The following XPO7 variants were observed in gnomAD, a reference collection of about 807,000 sequenced individuals.
XPO7 encodes exportin 7, also known as exportin-7.
XPO7 carries 21 observed loss-of-function variants against 144.3 expected under a neutral mutation model. That is an observed-to-expected ratio of 0.15 (90% CI 0.10 to 0.21). The LOEUF is 0.21. Ranked by LOEUF, XPO7 falls within the 10% of genes least tolerant of loss-of-function variation. The pLI is 1.00. For synonymous variants in XPO7, 580 were observed against 499.6 expected (o/e 1.16, Z -2.15); for missense variants, 808 against 1,325.8 (o/e 0.61, Z 6.06).
At chr8:22,000,019 T>A (rs1215014438) in intron 24 of XPO7, among the ~76,000 whole-genome samples, 2 of 152,128 alleles carry the variant, frequency 1.3e-5, no homozygotes, top group Non-Finnish European at 2.9e-5. Flanking sequence ...GAGTACAAAG[T>A]GCTACACAAG....
chr8:21,929,620 C>G (rs1314884767), intron 1 of XPO7, among the ~76,000 whole-genome samples: 1 of 152,222 alleles, frequency 6.6e-6, no homozygotes, highest in Non-Finnish European at 1.5e-5. Flanking sequence ...AGTCCTGATT[C>G]ACTAGCAATC....
At chr8:21,944,246 C>G (rs1811085084) in intron 1 of XPO7, among the ~76,000 whole-genome samples, 1 of 152,230 alleles carries the variant, frequency 6.6e-6, no homozygotes, top group South Asian at 2.1e-4. Flanking sequence ...TTGAATACCT[C>G]CCATGAGTTA....
At chr8:21,947,258 CAAG>C (rs1413081310) in intron 1 of XPO7, among the ~76,000 whole-genome samples, 1 of 152,002 alleles carries the variant, frequency 6.6e-6, no homozygotes, top group African/African-American at 2.4e-5. Context: ...CACTGTTACT[CAAG>C]AGGGGAGGGA....
At chr8:21,941,848 T>A (rs1236320741) in intron 1 of XPO7, among the ~76,000 whole-genome samples, 2 of 152,234 alleles carry the variant, frequency 1.3e-5, no homozygotes, top group African/African-American at 4.8e-5. Flanking sequence ...GTGAATTTTT[T>A]AAATTTTCGT....
rs1301958510 is a variant in XPO7, at chr8:22,002,215, C to T, written c.2886C>T (p.Asn962=). The T allele has an allele frequency of 1.2e-6, 2 of 1,613,390 alleles. No homozygotes were observed. Among genetic ancestry groups the T allele is most frequent in the Non-Finnish European group, 8.5e-7 (1 of 1,179,634 alleles). The change falls in exon 25 of 28, where the codon AAC becomes AAT. Residue 962 remains asparagine (N), a synonymous_variant. Transcript: ENST00000252512. The part of the protein sequence containing the change: ...RSTKKRTTPL[N]QESDRFLHIM... ...CCAAGAAGAGGACCACACCCCTGAA[C>T]CAGGAGAGCGACCGCTTTCTGCACA...
chr8:22,004,114 T>C, intron 27 of XPO7, 84 bp downstream of exon 27: 1 of 1,565,472 alleles, frequency 6.4e-7, no homozygotes, highest in South Asian at 1.2e-5. Context: ...TTAAAGTCTT[T>C]GACATCTGTG....
At chr8:21,946,371 A>C (rs1369134161) in intron 1 of XPO7, among the ~76,000 whole-genome samples, 1 of 152,184 alleles carries the variant, frequency 6.6e-6, no homozygotes, top group Non-Finnish European at 1.5e-5. Flanking sequence ...ATAAGTTTAA[A>C]ATATAACAGG....
intron 1 of XPO7, among the ~76,000 whole-genome samples, chr8:21,957,233 G>A (rs113696983): frequency 2.6e-3 from 402 of 152,232 alleles, no homozygotes; most frequent in African/African-American, 9.3e-3. Context: ...GGTGCCCATA[G>A]CTTCAGATGT....
intron 2 of XPO7, among the ~76,000 whole-genome samples, chr8:21,967,699 T>A (rs1811931111): frequency 6.6e-6 from 1 of 152,170 alleles, no homozygotes; most frequent in Non-Finnish European, 1.5e-5. Flanking sequence ...TTTTGTGTCC[T>A]CTCTGCCACA....
At position 21,966,397 on chromosome 8, in the gene XPO7, A is replaced by C. The variant is rs969242479; in HGVS notation, c.19-460A>C. 5 of 738,994 alleles carry C rather than the reference A, an allele frequency of 6.8e-6. No homozygotes were observed. The African/African-American group carries it at 8.6e-5, about 13-fold the overall frequency. The allele number at this position is 738,994 out of a possible 1,614,324, so 45.8% of individuals were successfully genotyped here. On this transcript the variant is annotated intron_variant, in intron 1 of 27. Transcript: ENST00000252512. ...TACGCATATACATTATTGTAAGCTA[A>C]TAACTACTACTCAAAGGAATATTTA...
intron 1 of XPO7, among the ~76,000 whole-genome samples, chr8:21,959,020 T>TA (rs1585441361): frequency 6.6e-6 from 1 of 151,296 alleles, no homozygotes; most frequent in Non-Finnish European, 1.5e-5. Flanking sequence ...TGGGATTGTG[T>TA]AAGTCAGGTA....
rs919614836 is a variant in XPO7 at position 21,945,093 on chromosome 8, T to A, written c.19-21764T>A. Among the ~76,000 whole-genome samples the A allele has an allele frequency of 3.3e-5, 5 of 152,204 alleles. No individual in the cohort carries two copies. The East Asian group carries it at 9.6e-4, about 29-fold the overall frequency. ...CTATTCGACAAAACTGCCATCGTCA[T>A]CATGGCCCGTTCTCAATGAGCTGTT... On this transcript the variant is annotated intron_variant, in intron 1 of 27. Coordinates refer to ENST00000252512, the MANE Select transcript of XPO7 (RefSeq NM_015024.5).
intron 21 of XPO7, among the ~76,000 whole-genome samples, chr8:21,997,994 G>T (rs1406074901): frequency 1.3e-5 from 2 of 152,146 alleles, no homozygotes; most frequent in Non-Finnish European, 2.9e-5. Context: ...GCTTCTTTTG[G>T]ACCATTCCAA....
intron 1 of XPO7, among the ~76,000 whole-genome samples, chr8:21,942,482 G>A (rs1811025398): frequency 6.6e-6 from 1 of 152,180 alleles, no homozygotes; most frequent in Non-Finnish European, 1.5e-5. Flanking sequence ...TCTTTAATAT[G>A]TGTCTTATTG....
chr8:21,959,168 A>T (rs1811639039), intron 1 of XPO7, among the ~76,000 whole-genome samples: 1 of 152,198 alleles, frequency 6.6e-6, no homozygotes, highest in East Asian at 1.9e-4. Context: ...AACGAGGATC[A>T]ATTATATATT....
chr8:21,946,074 T>C (rs966534054), intron 1 of XPO7, among the ~76,000 whole-genome samples: 8 of 152,106 alleles, frequency 5.3e-5, no homozygotes, highest in Non-Finnish European at 1.2e-4. Context: ...TTCCATAGAT[T>C]TATGTCAACA....
intron 24 of XPO7, among the ~76,000 whole-genome samples, chr8:22,001,355 A>G (rs1040317831): frequency 6.6e-6 from 1 of 152,050 alleles, no homozygotes; most frequent in African/African-American, 2.4e-5. Flanking sequence ...ACGTTTGCAT[A>G]AACTATCAGT....
chr8:21,926,219 T>C (rs1171780381), intron 1 of XPO7, among the ~76,000 whole-genome samples: 2 of 152,208 alleles, frequency 1.3e-5, no homozygotes, highest in Non-Finnish European at 2.9e-5. Context: ...ATTATTAAAA[T>C]ATCCCTTGTA....
intron 1 of XPO7, among the ~76,000 whole-genome samples, chr8:21,960,939 C>A (rs1341366260): frequency 6.6e-6 from 1 of 152,154 alleles, no homozygotes; most frequent in African/African-American, 2.4e-5. Flanking sequence ...GGCATTCATC[C>A]ATACATACAG....
Sources: allele counts gnomAD v4.1 joint callset (sites outside exome capture counted in the v4.1 genomes callset), GRCh38; gene constraint gnomAD v4.1.1; transcripts MANE v1.5; gene names NCBI Gene and HGNC (gene_info 2026-07-23, HGNC 2026-07-21).